Variants in ART3 observed in about 807,000 individuals in gnomAD.
The protein encoded by ART3 is ecto-ADP-ribosyltransferase 3.
Under a neutral mutation model 48.5 loss-of-function variants are expected in ART3, and 49 were observed. The ratio of observed to expected loss-of-function variants is 1.01; its 90% confidence interval spans 0.80 to 1.28. ART3 has a LOEUF of 1.28. ART3 is among the 50% of genes most tolerant of loss of function. The pLI is 0.00. For missense variants in ART3, 438 were observed against 454.3 expected (o/e 0.96, Z 0.33); for synonymous variants, 145 against 157.2 (o/e 0.92, Z 0.58).
chr4:76,031,943 C>G (rs948389768), intron 1 of ART3, among the ~76,000 whole-genome samples: 1 of 152,108 alleles, frequency 6.6e-6, no homozygotes, highest in Admixed American at 6.5e-5. Context: ...GTGGTGGTTT[C>G]AAAGGCTTCT....
chr4:76,106,501 G>A (rs1248337570), intron 10 of ART3: 1 of 292,902 alleles, frequency 3.4e-6, no homozygotes, highest in South Asian at 1.3e-4. Context: ...TAGGGTGGGA[G>A]AGTTTATCAG....
chr4:76,104,423 G>C, intron 9 of ART3, 174 bp from the exon 10 acceptor site: 2 of 985,370 alleles, frequency 2.0e-6, no homozygotes, highest in Non-Finnish European at 2.4e-6. Context: ...TCTAATCATG[G>C]TGTGGATTTG....
At chr4:76,067,741 C>T (rs1399172667) in intron 1 of ART3, among the ~76,000 whole-genome samples, 1 of 152,224 alleles carries the variant, frequency 6.6e-6, no homozygotes, top group Non-Finnish European at 1.5e-5. Context: ...AATTTAGTCA[C>T]TTCAAAGTTG....
intron 3 of ART3, among the ~76,000 whole-genome samples, chr4:76,085,087 C>T (rs73825885): frequency 0.033 from 4,965 of 152,296 alleles, 252 homozygotes; most frequent in African/African-American, 0.1. Flanking sequence ...ATTAAAGGAA[C>T]ACATCTGATG....
At chr4:76,067,003 C>G (rs1719803884) in intron 1 of ART3, among the ~76,000 whole-genome samples, 1 of 152,156 alleles carries the variant, frequency 6.6e-6, no homozygotes, top group African/African-American at 2.4e-5. Flanking sequence ...CACCCCTGCC[C>G]AGGAGGGCAG....
chr4:76,030,032 T>C (rs1733731840), intron 1 of ART3, among the ~76,000 whole-genome samples: 1 of 152,144 alleles, frequency 6.6e-6, no homozygotes, highest in Non-Finnish European at 1.5e-5. Context: ...ATCCTTAACA[T>C]GTTCTTTGTT....
intron 10 of ART3, chr4:76,105,988 G>A (rs1426903268): frequency 1.0e-6 from 1 of 985,226 alleles, no homozygotes; most frequent in Non-Finnish European, 1.2e-6. Flanking sequence ...GATTTTGTTG[G>A]GACTACAGTG....
At chr4:76,106,441 G>A (rs1243432845) in intron 10 of ART3, 2 of 892,638 alleles carry the variant, frequency 2.2e-6, no homozygotes, top group Non-Finnish European at 2.7e-6. Context: ...CCTTCTGGCC[G>A]AGTTAGGTTA....
intron 1 of ART3, among the ~76,000 whole-genome samples, chr4:76,062,999 TTGC>T (rs1719383510): frequency 6.6e-6 from 1 of 152,184 alleles, no homozygotes; most frequent in Non-Finnish European, 1.5e-5. Flanking sequence ...CTTCAGGTTT[TTGC>T]TAAATTTCAC....
intron 11 of ART3, among the ~76,000 whole-genome samples, chr4:76,108,981 G>T (rs893483342): frequency 6.6e-6 from 1 of 152,158 alleles, no homozygotes; most frequent in African/African-American, 2.4e-5. Flanking sequence ...GTTGCTCTGG[G>T]TGGTGTTGAG....
chr4:76,070,220 C>T (rs78819838), upstream of ART3, among the ~76,000 whole-genome samples: 5,648 of 151,648 alleles, frequency 0.037, 340 homozygotes, highest in African/African-American at 0.13. Flanking sequence ...AGTAGAATTA[C>T]GGGGTCATAT....
At chr4:76,028,083 CA>C (rs1271634126) in intron 1 of ART3, among the ~76,000 whole-genome samples, 3 of 152,116 alleles carry the variant, frequency 2.0e-5, no homozygotes, top group African/African-American at 7.2e-5. Context: ...TGAGCAGAGT[CA>C]AACGAAGGAC....
At position 76,107,789 on chromosome 4, in the gene ART3, T is replaced by C. The variant is rs781541516; in HGVS notation, c.1032T>C (p.Asn344=). The C allele has an allele frequency of 6.8e-7, 1 of 1,477,986 alleles. No individual in the cohort carries two copies. Among genetic ancestry groups the C allele is most frequent in the Non-Finnish European group, 9.2e-7 (1 of 1,087,906 alleles). The allele number at this position is 1,477,986 out of a possible 1,614,324, so 91.6% of individuals were successfully genotyped here. The change falls in exon 11 of 12, where the codon AAT becomes AAC. Residue 344 remains asparagine (N), a synonymous_variant. Transcript: ENST00000355810. ...PEDKSQGNIN[N]PTPGPVPVPG... ...ATAAAAGTCAAGGAAATATCAACAA[T>C]CCTAGTAAGAAGTATCTCATTTCCT...
chr4:76,096,767 T>G (rs1726105289), intron 3 of ART3, among the ~76,000 whole-genome samples: 1 of 152,248 alleles, frequency 6.6e-6, no homozygotes, highest in African/African-American at 2.4e-5. Context: ...TACTGTCAGA[T>G]GCCACGTTCT....
At chr4:76,084,111 G>A (rs1310148754) in intron 3 of ART3, among the ~76,000 whole-genome samples, 2 of 152,012 alleles carry the variant, frequency 1.3e-5, no homozygotes, top group African/African-American at 2.4e-5. Context: ...TCCTTTGACA[G>A]AAATATAAAT....
chr4:76,016,173 T>C (rs1165998421), intron 1 of ART3, among the ~76,000 whole-genome samples: 5 of 152,234 alleles, frequency 3.3e-5, no homozygotes, highest in Admixed American at 1.3e-4. Flanking sequence ...AAATATGTTA[T>C]GCCATTCTAT....
intron 11 of ART3, among the ~76,000 whole-genome samples, chr4:76,110,259 A>T (rs1729232562): frequency 6.6e-6 from 1 of 152,194 alleles, no homozygotes; most frequent in Admixed American, 6.5e-5. Context: ...ACAGTACAAC[A>T]ACTACTTGCA....
chr4:76,030,212 A>G (rs1318532353), intron 1 of ART3, among the ~76,000 whole-genome samples: 1 of 152,130 alleles, frequency 6.6e-6, no homozygotes, highest in Non-Finnish European at 1.5e-5. Flanking sequence ...ATGCACCACC[A>G]TGCCCAGCTA....
intron 1 of ART3, among the ~76,000 whole-genome samples, chr4:76,067,859 T>C (rs544592260): frequency 6.6e-6 from 1 of 152,336 alleles, no homozygotes; most frequent in African/African-American, 2.4e-5. Flanking sequence ...CTAGCGGTCA[T>C]TGGCCTTCCC....
Sources: gnomAD v4.1 joint callset for allele counts (sites outside exome capture counted in the v4.1 genomes callset) on GRCh38, gnomAD v4.1.1 for gene constraint, MANE v1.5 for transcripts, NCBI Gene and HGNC (gene_info 2026-07-23, HGNC 2026-07-21) for gene names.